Variants in MYO7B observed in about 807,000 individuals in gnomAD.
MYO7B encodes the protein myosin VIIB, also known as unconventional myosin-VIIb.
MYO7B carries 212 observed loss-of-function variants against 259.7 expected under a neutral mutation model. That is an observed-to-expected ratio of 0.82 (90% CI 0.73 to 0.91). MYO7B has a LOEUF of 0.91. Ranked by LOEUF, MYO7B falls within the 40% of genes least tolerant of loss-of-function variation. The pLI is 0.00. For missense variants in MYO7B, 2,732 were observed against 2,813.5 expected, an observed-to-expected ratio of 0.97 and a Z score of 0.66; for synonymous variants, 1,197 against 1,166.4, an observed-to-expected ratio of 1.03 and a Z score of -0.54.
chr2:127,618,007 C>T (rs1680649271), intron 26 of MYO7B, among the ~76,000 whole-genome samples: 1 of 152,098 alleles, frequency 6.6e-6, no homozygotes, highest in Non-Finnish European at 1.5e-5. Flanking sequence ...CCTATAGTCC[C>T]TGTTAGTTCC....
At chr2:127,574,319 T>G (rs965104360) in intron 7 of MYO7B, among the ~76,000 whole-genome samples, 1 of 152,114 alleles carries the variant, frequency 6.6e-6, no homozygotes, top group Non-Finnish European at 1.5e-5. Context: ...GTGGGTTACT[T>G]GAGGCCAGGA....
Position 127,628,659 on chromosome 2 carries a change from G to A in MYO7B, c.4624+124G>A. 1 of 1,068,444 alleles carries A rather than the reference G, an allele frequency of 9.4e-7. No individual in the cohort carries two copies. Among genetic ancestry groups the A allele is most frequent in the Non-Finnish European group, 1.3e-6 (1 of 750,576 alleles). The allele number at this position is 1,068,444 out of a possible 1,614,324, so 66.2% of individuals were successfully genotyped here. On this transcript the variant is annotated intron_variant, in intron 34 of 47. Coordinates refer to ENST00000409816, the MANE Select transcript of MYO7B (RefSeq NM_001393586.1). This position sits in a 1 kb window ranked among gnomAD's most constrained non-coding sequence, Gnocchi z 4.8. The stretch of plus-strand genomic sequence containing the variant: ...CACAAGGCAAGCAGAGGGAGGGAAG[G>A]CCCCAAAGCTCTGTGGGGGCAGCTT...
intron 12 of MYO7B, among the ~76,000 whole-genome samples, chr2:127,583,224 C>A (rs185497698): frequency 6.6e-6 from 1 of 152,324 alleles, no homozygotes; most frequent in Admixed American, 6.5e-5. Context: ...AGGGGGCTAG[C>A]CTGACCTTGC....
intron 15 of MYO7B, 140 bp downstream of exon 15, chr2:127,588,695 G>A: frequency 9.9e-7 from 1 of 1,008,870 alleles, no homozygotes; most frequent in Non-Finnish European, 1.4e-6. Flanking sequence ...ATGGATGGAT[G>A]GATGGGTGAA....
chr2:127,564,354 A>C (rs1277541737), intron 3 of MYO7B, 88 bp downstream of exon 3: 2 of 1,086,000 alleles, frequency 1.8e-6, no homozygotes, highest in East Asian at 5.6e-5. Context: ...GCCTCTCCCC[A>C]ACACCAGGGG....
chr2:127,538,115 C>T (rs1692860891), intron 1 of MYO7B, among the ~76,000 whole-genome samples: 1 of 151,920 alleles, frequency 6.6e-6, no homozygotes, highest in Admixed American at 6.6e-5. Context: ...GGAAGGGATG[C>T]AGCAGGCTGT....
chr2:127,573,036 C>T (rs1435919803), intron 6 of MYO7B, among the ~76,000 whole-genome samples: 1 of 151,980 alleles, frequency 6.6e-6, no homozygotes, highest in Admixed American at 6.5e-5. Context: ...AAACAGGTTT[C>T]GTAATGGTGG....
intron 1 of MYO7B, among the ~76,000 whole-genome samples, chr2:127,545,002 G>A (rs1268899815): frequency 1.3e-5 from 2 of 152,196 alleles, no homozygotes; most frequent in South Asian, 2.1e-4. Context: ...TGGGATTACA[G>A]GTGTGAGCCA....
chr2:127,593,747 A>G lies in MYO7B; in HGVS notation c.2244+103A>G, dbSNP rs1679660530. ...TCCATGGTCCATGTGCCCTGAGCCA[A>G]TGACACTGGGCAGCAGCTCAAAGTG... On this transcript the variant is annotated intron_variant, in intron 18 of 47. Transcript: ENST00000409816. 22 of 1,044,736 alleles carry G rather than the reference A, an allele frequency of 2.1e-5. No individual in the cohort carries two copies. The South Asian group carries it at 3.0e-4, about 14-fold the overall frequency. 64.7% of individuals were successfully genotyped at this position (1,044,736 alleles called of 1,614,324 possible). A position where few individuals can be genotyped will look rare whatever the true frequency, so the allele number is the denominator to read the frequency against.
chr2:127,582,216 A>C (rs963214372), intron 11 of MYO7B, 88 bp from the exon 12 acceptor site: 4 of 1,537,792 alleles, frequency 2.6e-6, no homozygotes, highest in African/African-American at 1.4e-5. Flanking sequence ...CAGTAGGTCC[A>C]AGACATTCGG....
Position 127,622,021 on chromosome 2 carries a change from G to C in MYO7B, c.3565G>C (p.Gly1189Arg), listed in dbSNP as rs372919338. Residue 1189 changes from glycine (G) to arginine (R), a missense_variant, in exon 28 of 48, where the codon GGC (glycine) becomes CGC (arginine). Around this residue, in one of 3 missense-constraint regions of MYO7B, gnomAD observed 1,906 missense variants for 2,026.4 expected, o/e 0.94. Coordinates refer to ENST00000409816, the MANE Select transcript of MYO7B (RefSeq NM_001393586.1). ...CATCGGCCAAGGGCCGGCGACCTACGGCCCCTTCTGTGCCGAGCGCCTGAG... is the reference window on the plus strand; with the variant it reads ...CATCGGCCAAGGGCCGGCGACCTACCGCCCCTTCTGTGCCGAGCGCCTGAG... ...NFIGQGPATYGPFCAERLRRT... is the reference protein window; with the variant it reads ...NFIGQGPATYRPFCAERLRRT... 1 of 1,551,756 alleles carries C rather than the reference G, an allele frequency of 6.4e-7. No homozygotes were observed. Among genetic ancestry groups the C allele is most frequent in the African/African-American group, 1.4e-5 (1 of 73,176 alleles).
rs778425320 is a variant in MYO7B at position 127,634,296 on chromosome 2, C to G, written c.5625+7C>G. 5 of 1,559,506 alleles carry G rather than the reference C, an allele frequency of 3.2e-6. No individual in the cohort carries two copies. The highest frequency in any genetic ancestry group is 4.3e-6 in the Non-Finnish European group (5 of 1,154,342). On this transcript the variant is annotated splice_region_variant and intron_variant, in intron 41 of 47. Coordinates refer to ENST00000409816, the MANE Select transcript of MYO7B (RefSeq NM_001393586.1). Reference sequence around the variant, plus strand: ...CATCAAGATTTCAGACAAGGTGGGCCGGGCTGGGGCTGGGCAGACGGTGGG... The same window carrying G: ...CATCAAGATTTCAGACAAGGTGGGCGGGGCTGGGGCTGGGCAGACGGTGGG...
At position 127,593,620 on chromosome 2, in the gene MYO7B, G is replaced by A. The variant is rs376295567; in HGVS notation, c.2220G>A (p.Ala740=). 7.4e-6 allele frequency: 12 copies of A among 1,613,604 alleles called. No homozygotes were observed. In the African/African-American group the frequency reaches 1.5e-4, roughly 20 times the overall value. The part of the protein sequence containing the change: ...VWLRTDKDWK[A]GKTKIFLRDH... ...TGCGGACAGACAAAGACTGGAAAGC[G>A]GGGAAGACAAAAATTTTCCTGAGGG... The change falls in exon 18 of 48, where the codon GCG becomes GCA. Residue 740 remains alanine (A), a synonymous_variant. Coordinates refer to ENST00000409816, the MANE Select transcript of MYO7B (RefSeq NM_001393586.1).
In MYO7B at chr2:127,559,665, A is replaced by G; in HGVS notation, c.-23-35A>G. On this transcript the variant is annotated intron_variant, in intron 1 of 47. Transcript: ENST00000409816. The surrounding 1 kb of genome is among the most constrained non-coding windows in gnomAD (Gnocchi z 4.1). ...CCAGGGGCTCCTATTGGGGCTGTGT[A>G]TGGAGCTGACGTTCTGCTTTCTCTC... 2.5e-6 allele frequency: 4 copies of G among 1,608,298 alleles called. No individual in the cohort carries two copies. The highest frequency in any genetic ancestry group is 2.2e-5 in the East Asian group (1 of 44,852).
intron 31 of MYO7B, 29 bp from the exon 32 acceptor site, chr2:127,626,946 C>T (rs571880397): frequency 8.2e-5 from 129 of 1,576,986 alleles, no homozygotes; most frequent in Non-Finnish European, 9.6e-5. Context: ...AGGCAGGTGA[C>T]GGAGGTGACA....
intron 1 of MYO7B, among the ~76,000 whole-genome samples, chr2:127,553,741 C>T (rs1039149902): frequency 6.6e-6 from 1 of 152,130 alleles, no homozygotes; most frequent in African/African-American, 2.4e-5. Context: ...GATTTGGATG[C>T]CTGTTATTTC....
rs1252628098 is a variant in MYO7B, at chr2:127,565,388, G to A, written c.285+3G>A. 3 of 1,613,978 alleles carry A rather than the reference G, an allele frequency of 1.9e-6. No individual in the cohort carries two copies. The highest frequency in any genetic ancestry group is 2.5e-6 in the Non-Finnish European group (3 of 1,179,866). ...GCTACCAGCAGCACAAGATCTATGT[G>A]AGTCTCCCCAGCCCTGTGTCCACAG... On this transcript the variant is annotated splice_donor_region_variant and intron_variant, in intron 4 of 47. Transcript: ENST00000409816.
chr2:127,634,374 C>G (rs146961968), intron 41 of MYO7B, 85 bp downstream of exon 41: 8 of 1,086,034 alleles, frequency 7.4e-6, no homozygotes, highest in Middle Eastern at 2.6e-4. Context: ...CCTCAGCCTA[C>G]CAGGGGCACC....
chr2:127,546,914 A>T lies in MYO7B; in HGVS notation c.-24+11083A>T, dbSNP rs879478756. Among the ~76,000 whole-genome samples, 9 of 150,724 alleles carry T rather than the reference A, an allele frequency of 6.0e-5. No homozygotes were observed. The highest frequency in any genetic ancestry group is 9.8e-5 in the African/African-American group (4 of 40,782). ...CCACCATCCATCTATCCACCCACCC[A>T]CCCATTCACCCACTCATTCAACCAC... On this transcript the variant is annotated intron_variant, in intron 1 of 47. Coordinates refer to ENST00000409816, the MANE Select transcript of MYO7B (RefSeq NM_001393586.1). This position sits in a 1 kb window ranked among gnomAD's most constrained non-coding sequence, Gnocchi z 4.2.
Sources: gnomAD v4.1 joint callset for allele counts (sites outside exome capture counted in the v4.1 genomes callset) on GRCh38, gnomAD v4.1.1 for gene constraint, gnomAD v4.1.1 regional missense constraint, Gnocchi (gnomAD v3.1) non-coding constraint, MANE v1.5 for transcripts, NCBI Gene and HGNC (gene_info 2026-07-23, HGNC 2026-07-21) for gene names.